The following SLC6A11 variants were observed in gnomAD, a reference collection of about 807,000 sequenced individuals.
SLC6A11 encodes solute carrier family 6 member 11, also known as sodium- and chloride-dependent GABA transporter 3.
SLC6A11 carries 25 observed loss-of-function variants against 74.8 expected under a neutral mutation model. That is an observed-to-expected ratio of 0.33 (90% confidence interval 0.24 to 0.47). The LOEUF (loss-of-function observed/expected upper bound fraction) is 0.47, where lower values mean the gene tolerates loss of function less well. Ranked by LOEUF, SLC6A11 falls within the 20% of genes least tolerant of loss-of-function variation. The pLI, the probability that SLC6A11 is intolerant of heterozygous loss-of-function variation, is 1.00. For synonymous variants in SLC6A11, 330 were observed against 330.2 expected (o/e 1.00, Z 0.01); for missense variants, 574 against 837.0 (o/e 0.69, Z 3.88).
intron 5 of SLC6A11, among the ~76,000 whole-genome samples, chr3:10,851,187 T>C (rs561691846): frequency 6.6e-6 from 1 of 151,948 alleles, no homozygotes; most frequent in Non-Finnish European, 1.5e-5. Context: ...TGGTGGATGA[T>C]TTATGGATTT....
rs1052091585 is a variant in SLC6A11 at position 10,819,755 on chromosome 3, G to A, written c.435G>A (p.Val145=). Reference sequence around the variant, plus strand: ...AGGTGATTGAGGCCCATCTGAATGTGTACTACATCATCATCCTGGCATGGG... The same window carrying A: ...AGGTGATTGAGGCCCATCTGAATGTATACTACATCATCATCCTGGCATGGG... ...ATQVIEAHLN[V]YYIIILAWAI... is the part of the protein sequence containing the mutation. Residue 145 remains valine, a synonymous_variant, in exon 3 of 14, where the codon GTG becomes GTA. Coordinates refer to ENST00000254488, the MANE Select transcript of SLC6A11 (RefSeq NM_014229.3). The A allele has an allele frequency of 2.5e-5, 40 of 1,614,096 alleles. No individual in the cohort carries two copies. Among genetic ancestry groups the A allele is most frequent in the Non-Finnish European group, 2.9e-5 (34 of 1,180,022 alleles).
chr3:10,928,470 G>A (rs1695638773), intron 9 of SLC6A11, among the ~76,000 whole-genome samples: 1 of 152,142 alleles, frequency 6.6e-6, no homozygotes, highest in Admixed American at 6.5e-5. Flanking sequence ...TGAGGGGGTG[G>A]TCGGTATCTT....
chr3:10,913,724 C>A (rs541443793), intron 7 of SLC6A11, among the ~76,000 whole-genome samples: 1 of 152,154 alleles, frequency 6.6e-6, no homozygotes, highest in Non-Finnish European at 1.5e-5. Flanking sequence ...GACGGAGTCT[C>A]GCTCAGTCAC....
intron 4 of SLC6A11, among the ~76,000 whole-genome samples, chr3:10,843,415 C>T (rs901836868): frequency 6.6e-6 from 1 of 152,184 alleles, no homozygotes; most frequent in East Asian, 1.9e-4. Flanking sequence ...AGCACACCAT[C>T]CTCTACTTCT....
In SLC6A11 at chr3:10,932,881, A is replaced by G. The variant is rs185634601; in HGVS notation, c.1372-270A>G. 2.0e-5 allele frequency among the ~76,000 whole-genome samples: 3 copies of G among 152,088 alleles called. No homozygotes were observed. The East Asian group carries it at 5.8e-4, about 29-fold the overall frequency. On this transcript the variant is annotated intron_variant, in intron 10 of 13. Transcript: ENST00000254488. ...TGAGTCTCCCCCATCTCGATTTTCT[A>G]TGTAGTCTCTGGCCCTTGGGGTGCT...
At chr3:10,891,931 C>A (rs1231000157) in intron 6 of SLC6A11, among the ~76,000 whole-genome samples, 2 of 152,202 alleles carry the variant, frequency 1.3e-5, no homozygotes, top group Non-Finnish European at 2.9e-5. Context: ...ATCAAATAGG[C>A]AGATGTGTGT....
chr3:10,904,106 G>T (rs1695274207), intron 6 of SLC6A11, among the ~76,000 whole-genome samples: 1 of 152,252 alleles, frequency 6.6e-6, no homozygotes, highest in African/African-American at 2.4e-5. Flanking sequence ...ACTGTAAAGT[G>T]CTATCCATGT....
rs148561828 is a variant in SLC6A11, at chr3:10,819,515, G to A, written c.307G>A (p.Val103Ile). ...VVFFICCGIP[V>I]FFLETALGQF... Reference sequence around the variant, plus strand: ...GTTTTTTATTTGCTGTGGAATTCCTGTTTTTTTCCTGGAGACAGCTCTGGG... The same window carrying A: ...GTTTTTTATTTGCTGTGGAATTCCTATTTTTTTCCTGGAGACAGCTCTGGG... The change falls in exon 2 of 14, where the codon GTT becomes ATT. Residue 103 changes from valine (V) to isoleucine (I), a missense_variant. Transcript: ENST00000254488. 14 of 1,614,006 alleles carry A rather than the reference G, an allele frequency of 8.7e-6. No individual in the cohort carries two copies. The highest frequency in any genetic ancestry group is 1.2e-5 in the Non-Finnish European group (14 of 1,179,962).
chr3:10,899,417 A>C (rs958469), intron 6 of SLC6A11, among the ~76,000 whole-genome samples: 22,783 of 152,184 alleles, frequency 0.15, 2,932 homozygotes, highest in African/African-American at 0.31. Flanking sequence ...GAATTGAGTA[A>C]TATCTTCCTG....
At chr3:10,883,146 G>A (rs77587086) in intron 6 of SLC6A11, among the ~76,000 whole-genome samples, 2,010 of 152,306 alleles carry the variant, frequency 0.013, 40 homozygotes, top group African/African-American at 0.045. Context: ...AACTTGAAGC[G>A]ACACAGCAGC....
intron 8 of SLC6A11, among the ~76,000 whole-genome samples, chr3:10,922,269 A>G (rs1260136551): frequency 6.6e-6 from 1 of 152,224 alleles, no homozygotes; most frequent in African/African-American, 2.4e-5. Flanking sequence ...AGACCCATTA[A>G]TATAATGCAC....
At position 10,935,167 on chromosome 3, in the gene SLC6A11, A is replaced by C. The variant is rs1695743797; in HGVS notation, c.1714A>C (p.Thr572Pro). The C allele has an allele frequency of 6.2e-7, 1 of 1,614,064 alleles. No individual in the cohort carries two copies. Among genetic ancestry groups the C allele is most frequent in the Non-Finnish European group, 8.5e-7 (1 of 1,180,040 alleles). ...CTGCATCCCGCTCTGGATCTGCATC[A>C]CAGTGTGGAAGACGGAGGGGACACT... is the stretch of plus-strand genomic sequence containing the variant. ...MLCIPLWICITVWKTEGTLPE... is the reference protein window; with the variant it reads ...MLCIPLWICIPVWKTEGTLPE... Residue 572 changes from threonine to proline, a missense_variant, in exon 13 of 14, where the codon ACA (threonine) becomes CCA (proline). Coordinates refer to ENST00000254488, the MANE Select transcript of SLC6A11 (RefSeq NM_014229.3).
At chr3:10,920,246 A>G (rs955818919) in intron 8 of SLC6A11, among the ~76,000 whole-genome samples, 1 of 152,206 alleles carries the variant, frequency 6.6e-6, no homozygotes, top group African/African-American at 2.4e-5. Context: ...TAAATTTTGG[A>G]CTTTTTCTTA....
chr3:10,915,317 C>T lies in SLC6A11; in HGVS notation c.996-3012C>T, dbSNP rs1039976253. On this transcript the variant is annotated intron_variant, in intron 7 of 13. Transcript: ENST00000254488. The surrounding 1 kb of genome is among the most constrained non-coding windows in gnomAD (Gnocchi z 4.3). ...CAGCCATGGGTCCCTTCTGCTTCCCCCTCCAGCAGGCAGGTTTTATTCCAT... is the reference window on the plus strand; with the variant it reads ...CAGCCATGGGTCCCTTCTGCTTCCCTCTCCAGCAGGCAGGTTTTATTCCAT... 6.6e-6 allele frequency among the ~76,000 whole-genome samples: 1 copy of T among 152,180 alleles called. No homozygotes were observed. Among genetic ancestry groups the T allele is most frequent in the South Asian group, 2.1e-4 (1 of 4,820 alleles).
chr3:10,823,971 G>T (rs1314092178), intron 4 of SLC6A11: 4 of 153,088 alleles, frequency 2.6e-5, no homozygotes, highest in Non-Finnish European at 5.8e-5. Context: ...GCCAATCATT[G>T]TTGGGGGTGT....
intron 3 of SLC6A11, among the ~76,000 whole-genome samples, chr3:10,820,116 A>G (rs1014038218): frequency 6.6e-6 from 1 of 152,214 alleles, no homozygotes; most frequent in Non-Finnish European, 1.5e-5. Flanking sequence ...TGTCAAATGC[A>G]GAGACTGAGC....
chr3:10,818,189 G>A (rs1694089520), intron 1 of SLC6A11, among the ~76,000 whole-genome samples: 2 of 151,450 alleles, frequency 1.3e-5, no homozygotes, highest in Admixed American at 6.6e-5. Flanking sequence ...GTTTGGTAGA[G>A]TTTATTGTCC....
rs1695394014 is a variant in SLC6A11 at position 10,912,001 on chromosome 3, G to A, written c.892-89G>A. 4.6e-6 allele frequency: 4 copies of A among 867,610 alleles called. No individual in the cohort carries two copies. In the Admixed American group the frequency reaches 5.2e-5, roughly 11 times the overall value. 53.7% of individuals were successfully genotyped at this position (867,610 alleles called of 1,614,324 possible). ...TTATGGAGTTTTTCTGAAGGGTAGA[G>A]TGTGGGTGGGGGATTTCAGAGACCA... On this transcript the variant is annotated intron_variant, in intron 6 of 13. Transcript: ENST00000254488.
chr3:10,865,673 C>CA (rs529678235), intron 5 of SLC6A11, among the ~76,000 whole-genome samples: 3 of 152,052 alleles, frequency 2.0e-5, no homozygotes, highest in African/African-American at 4.8e-5. Context: ...AAAACAAAAA[C>CA]AAAAAACCCT....
Sources: allele counts gnomAD v4.1 joint callset (sites outside exome capture counted in the v4.1 genomes callset), GRCh38; gene constraint gnomAD v4.1.1; non-coding constraint Gnocchi (gnomAD v3.1); transcripts MANE v1.5; gene names NCBI Gene and HGNC (gene_info 2026-07-23, HGNC 2026-07-21).